UBXN7: variants seen among roughly 807,000 people sequenced by gnomAD.
The protein encoded by UBXN7 is UBX domain protein 7, also known as UBX domain-containing protein 7.
A neutral mutation model predicts 58.0 loss-of-function variants in UBXN7; 9 were observed. That is an observed-to-expected ratio of 0.16 (90% CI 0.09 to 0.27). The LOEUF (loss-of-function observed/expected upper bound fraction) is 0.27. Ranked by LOEUF, UBXN7 falls within the 10% of genes least tolerant of loss-of-function variation. The pLI, the probability that UBXN7 is intolerant of heterozygous loss-of-function variation, is 1.00. For synonymous variants in UBXN7, 208 were observed against 205.0 expected (o/e 1.01, Z -0.12); for missense variants, 328 against 599.6 (o/e 0.55, Z 4.73).
At chr3:196,372,102 C>A in intron 5 of UBXN7, 60 bp from the exon 6 acceptor site, 1 of 1,519,460 alleles carries the variant, frequency 6.6e-7, no homozygotes, top group Non-Finnish European at 8.8e-7. Context: ...CAGATGTTTC[C>A]GTAGTTGTTC....
intron 5 of UBXN7, among the ~76,000 whole-genome samples, chr3:196,374,380 ATAGATAT>A (rs1247171916): frequency 3.9e-5 from 6 of 152,176 alleles, no homozygotes; most frequent in Admixed American, 3.9e-4. Context: ...AGGTACAGTT[ATAGATAT>A]TAAAGTAATA....
chr3:196,366,334 T>C (rs528401465), intron 8 of UBXN7, among the ~76,000 whole-genome samples: 1 of 152,008 alleles, frequency 6.6e-6, no homozygotes, highest in African/African-American at 2.4e-5. Flanking sequence ...CTGAGTAACA[T>C]ATTGAGACCC....
intron 5 of UBXN7, among the ~76,000 whole-genome samples, chr3:196,380,772 C>A (rs1203647178): frequency 6.6e-6 from 1 of 152,254 alleles, no homozygotes; most frequent in East Asian, 1.9e-4. Flanking sequence ...GGGGCACTCC[C>A]ACCCAAATAC....
intron 1 of UBXN7, among the ~76,000 whole-genome samples, chr3:196,425,731 C>A (rs762847029): frequency 2.0e-5 from 3 of 152,128 alleles, no homozygotes; most frequent in Non-Finnish European, 2.9e-5. Flanking sequence ...CCGATTGTCT[C>A]CCCTCTCTCA....
intron 6 of UBXN7, among the ~76,000 whole-genome samples, chr3:196,370,467 A>G (rs1270581849): frequency 2.0e-5 from 3 of 151,684 alleles, no homozygotes; most frequent in Admixed American, 6.6e-5. Flanking sequence ...TTTAAAAAAA[A>G]AAAGAAAAAA....
At chr3:196,385,504 T>C (rs1300742071) in intron 5 of UBXN7, among the ~76,000 whole-genome samples, 1 of 148,480 alleles carries the variant, frequency 6.7e-6, no homozygotes, top group East Asian at 2.0e-4. Flanking sequence ...CAGCCACCCA[T>C]CGTCTGGGAT....
chr3:196,403,293 G>A (rs547364303), intron 2 of UBXN7, among the ~76,000 whole-genome samples: 1 of 152,032 alleles, frequency 6.6e-6, no homozygotes, highest in Non-Finnish European at 1.5e-5. Context: ...TAGCAGCTGG[G>A]ACTACAGGCA....
chr3:196,430,393 T>A (rs1249046859), intron 1 of UBXN7, among the ~76,000 whole-genome samples: 1 of 150,820 alleles, frequency 6.6e-6, no homozygotes, highest in Non-Finnish European at 1.5e-5. Context: ...AATAAGTGGC[T>A]TTTTTTTTCT....
At position 196,407,657 on chromosome 3, in the gene UBXN7, T is replaced by A. The variant is rs74622384; in HGVS notation, c.74-264A>T. 7.9e-4 allele frequency among the ~76,000 whole-genome samples: 120 copies of A among 152,246 alleles called. No homozygotes were observed. The East Asian group carries it at 0.014, about 18-fold the overall frequency. On this transcript the variant is annotated intron_variant, in intron 1 of 10. Transcript: ENST00000296328. The stretch of plus-strand genomic sequence containing the variant: ...AACTAAATAAAGCATTTTTTGGCCA[T>A]TTCTTTGGCCATTTATTTAAATGGC...
intron 1 of UBXN7, among the ~76,000 whole-genome samples, chr3:196,421,271 C>A (rs1468275842): frequency 1.3e-5 from 2 of 152,132 alleles, no homozygotes; most frequent in African/African-American, 4.8e-5. Flanking sequence ...CGCCCAGGAG[C>A]CAAGATGCCA....
intron 5 of UBXN7, among the ~76,000 whole-genome samples, chr3:196,372,659 G>A (rs972857055): frequency 2.0e-5 from 3 of 151,624 alleles, no homozygotes; most frequent in Admixed American, 6.6e-5. Context: ...AATTTTTAAT[G>A]TATGTTTAAA....
At chr3:196,401,044 C>T (rs1729945397) in intron 3 of UBXN7, among the ~76,000 whole-genome samples, 1 of 151,412 alleles carries the variant, frequency 6.6e-6, no homozygotes, top group Non-Finnish European at 1.5e-5. Flanking sequence ...TTTCCTCTTG[C>T]CTTTTATTTC....
At chr3:196,388,473 GTT>G (rs569238340) in intron 5 of UBXN7, among the ~76,000 whole-genome samples, 1 of 146,066 alleles carries the variant, frequency 6.8e-6, no homozygotes, top group Admixed American at 6.8e-5. Context: ...GCTACTGTTT[GTT>G]TTTTTTTTTT....
intron 1 of UBXN7, among the ~76,000 whole-genome samples, chr3:196,428,982 G>A (rs1401891185): frequency 6.8e-6 from 1 of 146,632 alleles, no homozygotes; most frequent in Non-Finnish European, 1.5e-5. Flanking sequence ...AACAGCTTGG[G>A]CAACAAAGAG....
intron 5 of UBXN7, among the ~76,000 whole-genome samples, chr3:196,383,586 C>G (rs957458812): frequency 6.6e-6 from 1 of 152,134 alleles, no homozygotes; most frequent in Non-Finnish European, 1.5e-5. Flanking sequence ...GAACAGAAAT[C>G]ACAACAAACT....
At chr3:196,368,405 T>G (rs929358961) in intron 7 of UBXN7, among the ~76,000 whole-genome samples, 1 of 151,922 alleles carries the variant, frequency 6.6e-6, no homozygotes, top group African/African-American at 2.4e-5. Flanking sequence ...AGGTAATATC[T>G]AGAATCTTTC....
At chr3:196,420,141 T>C (rs1372591820) in intron 1 of UBXN7, among the ~76,000 whole-genome samples, 3 of 152,216 alleles carry the variant, frequency 2.0e-5, no homozygotes, top group Non-Finnish European at 4.4e-5. Context: ...ACTTCTATCT[T>C]ACTACAGTTA....
At chr3:196,398,504 A>G (rs1729847031) in intron 3 of UBXN7, among the ~76,000 whole-genome samples, 2 of 152,234 alleles carry the variant, frequency 1.3e-5, no homozygotes, top group African/African-American at 4.8e-5. Context: ...ATTACACAGT[A>G]TTTTAAAAAT....
At chr3:196,364,127 G>A (rs1199257981) in intron 8 of UBXN7, among the ~76,000 whole-genome samples, 1 of 152,116 alleles carries the variant, frequency 6.6e-6, no homozygotes, top group Non-Finnish European at 1.5e-5. Flanking sequence ...TTTTCATTAT[G>A]ATAACAAGAA....
Sources: allele counts gnomAD v4.1 joint callset (sites outside exome capture counted in the v4.1 genomes callset), GRCh38; gene constraint gnomAD v4.1.1; transcripts MANE v1.5; gene names NCBI Gene and HGNC (gene_info 2026-07-23, HGNC 2026-07-21).